Variants in ARAP2 observed in about 807,000 individuals in gnomAD.
ARAP2 encodes the protein arf-GAP with Rho-GAP domain, ANK repeat and PH domain-containing protein 2.
ARAP2 carries 148 observed loss-of-function variants against 194.5 expected under a neutral mutation model. That is an observed-to-expected ratio of 0.76 (90% CI 0.67 to 0.87). ARAP2 has a LOEUF of 0.87. Ranked by LOEUF, ARAP2 falls within the 40% of genes least tolerant of loss-of-function variation. The pLI is 0.00. For synonymous variants in ARAP2, 695 were observed against 683.5 expected (o/e 1.02, Z -0.26); for missense variants, 2,128 against 1,989.7 (o/e 1.07, Z -1.32).
At chr4:36,102,578 A>ATC in intron 27 of ARAP2, among the ~76,000 whole-genome samples, 1 of 152,188 alleles carries the variant, frequency 6.6e-6, no homozygotes, top group African/African-American at 2.4e-5. Flanking sequence ...TTCCTTGAAT[A>ATC]AGACACATTC....
intron 27 of ARAP2, 142 bp from the exon 28 acceptor site, chr4:36,092,162 A>G: frequency 1.1e-6 from 1 of 931,836 alleles, no homozygotes; most frequent in East Asian, 2.6e-5. Flanking sequence ...TTCCGGGAAT[A>G]CCATGTGTCT....
intron 31 of ARAP2, 125 bp downstream of exon 31, chr4:36,080,091 G>C (rs773931186): frequency 7.2e-6 from 5 of 696,710 alleles, no homozygotes; most frequent in Non-Finnish European, 9.3e-6. Flanking sequence ...GAGAATCAAA[G>C]TTTATGCCAA....
intron 9 of ARAP2, among the ~76,000 whole-genome samples, chr4:36,170,148 A>G (rs932707299): frequency 2.0e-5 from 3 of 152,220 alleles, no homozygotes; most frequent in African/African-American, 7.2e-5. Flanking sequence ...GGCAGAACCT[A>G]AGAATTTTTA....
chr4:36,084,902 A>C (rs1411592897), intron 28 of ARAP2, among the ~76,000 whole-genome samples: 1 of 152,044 alleles, frequency 6.6e-6, no homozygotes, highest in Non-Finnish European at 1.5e-5. Context: ...CCTTATAGCT[A>C]GATTTCTAGG....
intron 3 of ARAP2, among the ~76,000 whole-genome samples, chr4:36,049,451 A>C (rs919420976): frequency 2.0e-5 from 3 of 152,210 alleles, no homozygotes; most frequent in Non-Finnish European, 4.4e-5. Context: ...AATGACTGCC[A>C]CAGGCATCTA....
intron 19 of ARAP2, among the ~76,000 whole-genome samples, chr4:36,140,137 A>AACACACACAC (rs759611545): frequency 2.1e-5 from 1 of 47,566 alleles, no homozygotes; most frequent in Non-Finnish European, 5.1e-5. Context: ...AAACAAAAAC[A>AACACACACAC]ATACACACAC....
chr4:36,025,481 G>T (rs546636163), intron 5 of ARAP2, among the ~76,000 whole-genome samples: 1 of 152,054 alleles, frequency 6.6e-6, no homozygotes, highest in South Asian at 2.1e-4. Context: ...GCGTGGAATT[G>T]ATTATTTTTT....
intron 6 of ARAP2, among the ~76,000 whole-genome samples, chr4:36,208,919 C>CCTTA (rs1746141407): frequency 2.6e-5 from 4 of 152,050 alleles, no homozygotes; most frequent in African/African-American, 9.7e-5. Context: ...CAGCATCTAA[C>CCTTA]CTTAGGCAGG....
At chr4:36,201,729 C>T (rs1318950868) in intron 6 of ARAP2, among the ~76,000 whole-genome samples, 1 of 151,870 alleles carries the variant, frequency 6.6e-6, no homozygotes, top group Non-Finnish European at 1.5e-5. Flanking sequence ...ACAATTAAAT[C>T]TCTATTTATG....
At chr4:36,147,196 G>A in intron 19 of ARAP2, 100 bp downstream of exon 19, 1 of 1,061,288 alleles carries the variant, frequency 9.4e-7, no homozygotes. Flanking sequence ...ATTTCAACAG[G>A]TTTTAAAATA....
chr4:36,062,043 T>A (rs1310948655), downstream of ARAP2, among the ~76,000 whole-genome samples: 1 of 152,240 alleles, frequency 6.6e-6, no homozygotes, highest in African/African-American at 2.4e-5. Flanking sequence ...ATTCTGGTTA[T>A]TAATCCCTTG....
At chr4:36,090,002 T>C (rs909434579) in intron 28 of ARAP2, among the ~76,000 whole-genome samples, 1 of 151,998 alleles carries the variant, frequency 6.6e-6, no homozygotes, top group African/African-American at 2.4e-5. Context: ...TTACATATAT[T>C]ATTAGACCAC....
intron 20 of ARAP2, among the ~76,000 whole-genome samples, chr4:36,130,856 T>C (rs934042386): frequency 1.3e-5 from 2 of 151,952 alleles, no homozygotes; most frequent in Non-Finnish European, 2.9e-5. Flanking sequence ...GCGTTTGAGA[T>C]AGTATATCCC....
At chr4:36,157,629 A>G (rs1034339961) in intron 15 of ARAP2, 45 of 152,234 alleles carry the variant, frequency 3.0e-4, no homozygotes, top group African/African-American at 1.0e-3. Flanking sequence ...AACTGACATC[A>G]CATCAACGAT....
At chr4:36,234,022 G>T (rs899277129) in intron 1 of ARAP2, among the ~76,000 whole-genome samples, 2 of 152,198 alleles carry the variant, frequency 1.3e-5, no homozygotes, top group African/African-American at 4.8e-5. Context: ...ATTGTATGCT[G>T]CAAATATTAT....
At chr4:36,226,141 C>T (rs1268718671) in intron 2 of ARAP2, among the ~76,000 whole-genome samples, 1 of 150,668 alleles carries the variant, frequency 6.6e-6, no homozygotes, top group Non-Finnish European at 1.5e-5. Context: ...AGTAATCTGG[C>T]CTAAAAATCA....
chr4:36,114,029 C>T (rs888449994), intron 26 of ARAP2, 141 bp downstream of exon 26: 2 of 664,328 alleles, frequency 3.0e-6, no homozygotes, highest in Non-Finnish European at 5.2e-6. Context: ...AAGGCAACCT[C>T]AAACATATAT....
chr4:36,200,460 G>C (rs946459796), intron 6 of ARAP2, among the ~76,000 whole-genome samples: 8 of 151,904 alleles, frequency 5.3e-5, no homozygotes, highest in Non-Finnish European at 1.2e-4. Flanking sequence ...TCTCCGTGTT[G>C]GTCAGGCTGG....
chr4:36,099,014 A>C (rs527416472), intron 27 of ARAP2, among the ~76,000 whole-genome samples: 1 of 151,994 alleles, frequency 6.6e-6, no homozygotes, highest in East Asian at 1.9e-4. Flanking sequence ...GTAAGTACCC[A>C]TTAGCTGTTC....
Sources: allele counts gnomAD v4.1 joint callset (sites outside exome capture counted in the v4.1 genomes callset), GRCh38; gene constraint gnomAD v4.1.1; transcripts MANE v1.5; gene names NCBI Gene and HGNC (gene_info 2026-07-23, HGNC 2026-07-21).